Variants in NOL4L observed in about 807,000 individuals in gnomAD.
The protein encoded by NOL4L is nucleolar protein 4 like, also known as nucleolar protein 4-like.
NOL4L carries 7 observed loss-of-function variants against 64.5 expected under a neutral mutation model. The observed-to-expected ratio is 0.11, with a 90% CI of 0.06 to 0.20. The LOEUF is 0.20. Among genes scored for constraint, NOL4L ranks in the 10% least tolerant of loss-of-function variants. The pLI, the probability that NOL4L is intolerant of heterozygous loss-of-function variation, is 1.00. For synonymous variants in NOL4L, 413 were observed against 401.0 expected, an observed-to-expected ratio of 1.03 and a Z score of -0.36; for missense variants, 680 against 967.1, an observed-to-expected ratio of 0.70 and a Z score of 3.94.
intron 1 of NOL4L, chr20:32,536,453 C>A (rs1252995631): frequency 4.1e-6 from 1 of 245,214 alleles, no homozygotes; most frequent in Admixed American, 7.0e-5. Flanking sequence ...CCGAGCTGGC[C>A]GCGCGCGCCG....
intron 1 of NOL4L, among the ~76,000 whole-genome samples, chr20:32,577,092 T>C (rs1045066322): frequency 3.3e-5 from 5 of 152,154 alleles, no homozygotes; most frequent in Admixed American, 6.5e-5. Context: ...CAAGTTCTCA[T>C]CTACTTCACA....
chr20:32,521,267 G>A (rs1038372557), intron 2 of NOL4L, among the ~76,000 whole-genome samples: 28 of 152,154 alleles, frequency 1.8e-4, no homozygotes, highest in African/African-American at 6.3e-4. Flanking sequence ...TTGCTCTAGC[G>A]TAGGGTGAGC....
intron 1 of NOL4L, among the ~76,000 whole-genome samples, chr20:32,555,162 T>G (rs1369389219): frequency 2.0e-5 from 3 of 152,208 alleles, no homozygotes; most frequent in Middle Eastern, 3.4e-3. Flanking sequence ...ACCCTTTCTT[T>G]CCTGGTGTTA....
chr20:32,537,205 G>C (rs1365774392), intron 1 of NOL4L: 1 of 754,798 alleles, frequency 1.3e-6, no homozygotes, highest in Admixed American at 6.2e-5. Context: ...TCCGCGGTCA[G>C]TGCCTCTGCT....
intron 4 of NOL4L, among the ~76,000 whole-genome samples, chr20:32,500,499 G>A (rs1246884179): frequency 2.8e-5 from 4 of 145,176 alleles, no homozygotes; most frequent in Admixed American, 6.9e-5. Context: ...GAGTACAGGC[G>A]CCTGCCACCA....
Position 32,446,036 on chromosome 20 carries a change from T to G in NOL4L, c.*1560A>C, listed in dbSNP as rs1600605302. 1 of 152,182 alleles carries G rather than the reference T, an allele frequency of 6.6e-6. No individual in the cohort carries two copies. The highest frequency in any genetic ancestry group is 1.5e-5 in the Non-Finnish European group (1 of 68,076). The allele number at this position is 152,182 out of a possible 1,614,324, so 9.4% of individuals were successfully genotyped here. A position where few individuals can be genotyped will look rare whatever the true frequency, so the allele number is the denominator to read the frequency against. On this transcript the variant is annotated 3_prime_UTR_variant, in exon 11 of 11. Transcript: ENST00000621426. Reference sequence around the variant, plus strand: ...AGGATCCACTCGGCCCTGGCTCCCCTGGGGCCTCTCTGCTCTGAGGGAGGA... The same window carrying G: ...AGGATCCACTCGGCCCTGGCTCCCCGGGGGCCTCTCTGCTCTGAGGGAGGA...
chr20:32,515,419 G>C (rs939866205), intron 3 of NOL4L, among the ~76,000 whole-genome samples: 13 of 152,182 alleles, frequency 8.5e-5, no homozygotes, highest in African/African-American at 3.1e-4. Flanking sequence ...ATGAGCCATG[G>C]AGCCATGGGT....
At chr20:32,505,553 C>CA (rs560380544) in intron 4 of NOL4L, among the ~76,000 whole-genome samples, 38 of 150,968 alleles carry the variant, frequency 2.5e-4, no homozygotes, top group East Asian at 1.7e-3. Flanking sequence ...CACATCTCTA[C>CA]AAAAAAAAAT....
At position 32,559,346 on chromosome 20, in the gene NOL4L, G is replaced by A. The variant is rs139269683; in HGVS notation, c.321+25224C>T. On this transcript the variant is annotated intron_variant, in intron 1 of 10. Coordinates refer to ENST00000621426, the MANE Select transcript of NOL4L (RefSeq NM_001256798.2). The stretch of plus-strand genomic sequence containing the variant: ...GGTCTTGCATCCAGGTATCCCCAAA[G>A]CCCAGCCTAGATGCTGGCACATAGT... Among the ~76,000 whole-genome samples the A allele has an allele frequency of 2.1e-3, 319 of 152,112 alleles. 4 individuals carry two copies. The highest frequency in any genetic ancestry group is 0.02 in the Middle Eastern group (6 of 294).
At chr20:32,465,304 G>A (rs1207884035) in intron 5 of NOL4L, among the ~76,000 whole-genome samples, 3 of 151,796 alleles carry the variant, frequency 2.0e-5, no homozygotes, top group African/African-American at 2.4e-5. Context: ...GAGTGGAGGC[G>A]CCCAGACAGG....
intron 4 of NOL4L, among the ~76,000 whole-genome samples, chr20:32,477,716 C>G (rs899288252): frequency 6.6e-6 from 1 of 152,228 alleles, no homozygotes; most frequent in African/African-American, 2.4e-5. Context: ...TGGTGGCACC[C>G]TGGTGCCCTG....
intron 3 of NOL4L, among the ~76,000 whole-genome samples, chr20:32,515,931 T>G (rs578083255): frequency 6.6e-6 from 1 of 152,266 alleles, no homozygotes; most frequent in East Asian, 1.9e-4. Context: ...AGACCTAGTT[T>G]TATGCAGTCT....
In NOL4L at chr20:32,494,252, G is replaced by GAAAAAAAAAAAAAAAAA. The variant is rs1568654908; in HGVS notation, c.699+17094_699+17095insTTTTTTTTTTTTTTTTT. On this transcript the variant is annotated intron_variant, in intron 4 of 10. Transcript: ENST00000621426. The stretch of plus-strand genomic sequence containing the variant: ...TGGGCCACAGAGTGAGATAATCTCG[G>GAAAAAAAAAAAAAAAAA]GAAAAAAAAAAAAAAAAAAAAAAAA... 2.6e-4 allele frequency among the ~76,000 whole-genome samples: 7 copies of GAAAAAAAAAAAAAAAAA among 27,098 alleles called. 2 individuals carry two copies. The highest frequency in any genetic ancestry group is 1.1e-3 in the African/African-American group (7 of 6,486). 17.8% of individuals were successfully genotyped at this position (27,098 alleles called of 152,430 possible).
At chr20:32,497,732 T>C (rs1263324500) in intron 4 of NOL4L, among the ~76,000 whole-genome samples, 2 of 152,174 alleles carry the variant, frequency 1.3e-5, no homozygotes, top group Non-Finnish European at 2.9e-5. Context: ...GACGTCTCCT[T>C]TCCTGTTAGG....
chr20:32,576,636 T>C (rs1031659983), intron 1 of NOL4L, among the ~76,000 whole-genome samples: 1 of 152,116 alleles, frequency 6.6e-6, no homozygotes, highest in African/African-American at 2.4e-5. Flanking sequence ...AGAGGACTAG[T>C]GCTCCGGGAT....
intron 2 of NOL4L, among the ~76,000 whole-genome samples, chr20:32,527,120 G>A (rs970355172): frequency 1.1e-4 from 17 of 152,126 alleles, no homozygotes; most frequent in Admixed American, 8.5e-4. Context: ...TGTGTCTGGC[G>A]GTGCCTGTGC....
At chr20:32,475,107 C>T (rs2015302682) in intron 4 of NOL4L, 2 of 985,478 alleles carry the variant, frequency 2.0e-6, no homozygotes, top group Non-Finnish European at 2.4e-6. Flanking sequence ...GGGACCGGGG[C>T]TCACTCTGCA....
In NOL4L at chr20:32,489,787, G is replaced by C. The variant is rs139007115; in HGVS notation, c.700-15045C>G. ...ATCATGCCACTGCACTCCAGCCTGG[G>C]TGACAGAGTGAGACTCCCTCTCAAA... On this transcript the variant is annotated intron_variant, in intron 4 of 10. Coordinates refer to ENST00000621426, the MANE Select transcript of NOL4L (RefSeq NM_001256798.2). Among the ~76,000 whole-genome samples the C allele has an allele frequency of 6.2e-3, 942 of 151,704 alleles. 4 individuals carry two copies. The highest frequency in any genetic ancestry group is 9.4e-3 in the Non-Finnish European group (637 of 67,920).
chr20:32,496,889 G>A (rs2016709688), intron 4 of NOL4L, among the ~76,000 whole-genome samples: 1 of 151,976 alleles, frequency 6.6e-6, no homozygotes, highest in Non-Finnish European at 1.5e-5. Context: ...CTGTGTTGCA[G>A]GGAGGACAAG....
Sources: allele counts gnomAD v4.1 joint callset (sites outside exome capture counted in the v4.1 genomes callset), GRCh38; gene constraint gnomAD v4.1.1; transcripts MANE v1.5; gene names NCBI Gene and HGNC (gene_info 2026-07-23, HGNC 2026-07-21).